CDH13: variants seen among roughly 807,000 people sequenced by gnomAD.
CDH13 encodes the protein cadherin 13, also known as cadherin-13.
CDH13 carries 24 observed loss-of-function variants against 63.8 expected under a neutral mutation model. The observed-to-expected ratio is 0.38, with a 90% CI of 0.27 to 0.53. The LOEUF (loss-of-function observed/expected upper bound fraction) is 0.53, where lower values mean the gene tolerates loss of function less well. CDH13 is among the 20% of genes least tolerant of loss of function. The pLI is 0.85. For synonymous variants in CDH13, 503 were observed against 355.3 expected (o/e 1.42, Z -4.67); for missense variants, 1,049 against 903.1 (o/e 1.16, Z -2.07).
chr16:83,222,004 G>A (rs72802231), intron 5 of CDH13, among the ~76,000 whole-genome samples: 7,498 of 152,210 alleles, frequency 0.049, 267 homozygotes, highest in Non-Finnish European at 0.078. Flanking sequence ...TAATGTTGGG[G>A]TGAACATGTC....
intron 5 of CDH13, among the ~76,000 whole-genome samples, chr16:83,223,861 T>G (rs558672758): frequency 5.9e-5 from 9 of 152,332 alleles, no homozygotes; most frequent in African/African-American, 1.7e-4. Context: ...CATGGGTTTT[T>G]GGGGAACAGG....
chr16:82,955,511 G>C (rs28579904), intron 2 of CDH13, among the ~76,000 whole-genome samples: 3 of 152,210 alleles, frequency 2.0e-5, no homozygotes, highest in Non-Finnish European at 4.4e-5. Flanking sequence ...GCTTTCATCA[G>C]AAACATTTTT....
At chr16:83,664,924 T>C (rs981402406) in intron 8 of CDH13, among the ~76,000 whole-genome samples, 1 of 152,228 alleles carries the variant, frequency 6.6e-6, no homozygotes, top group Non-Finnish European at 1.5e-5. Context: ...ACTAGCCCTC[T>C]CACTTACTGA....
intron 2 of CDH13, among the ~76,000 whole-genome samples, chr16:82,995,375 T>C (rs903758030): frequency 6.6e-6 from 1 of 152,232 alleles, no homozygotes; most frequent in African/African-American, 2.4e-5. Context: ...GTGAGCGTGA[T>C]GTTAGCACAT....
At chr16:83,533,675 C>T (rs946855359) in intron 7 of CDH13, among the ~76,000 whole-genome samples, 3 of 139,828 alleles carry the variant, frequency 2.1e-5, no homozygotes, top group African/African-American at 2.7e-5. Flanking sequence ...GGCTGGAGTG[C>T]AGTGGCACGA....
intron 2 of CDH13, among the ~76,000 whole-genome samples, chr16:83,024,777 C>T (rs569621018): frequency 1.1e-4 from 17 of 152,188 alleles, no homozygotes; most frequent in Admixed American, 4.6e-4. Flanking sequence ...TGGAGAATAT[C>T]GAACAAAACT....
intron 1 of CDH13, among the ~76,000 whole-genome samples, chr16:82,792,894 C>G (rs1054998882): frequency 7.3e-5 from 11 of 151,478 alleles, no homozygotes; most frequent in Non-Finnish European, 1.5e-4. Context: ...CATGAAATGC[C>G]TGGCACTCTC....
intron 6 of CDH13, among the ~76,000 whole-genome samples, chr16:83,480,639 C>T (rs1039386492): frequency 2.6e-5 from 4 of 152,264 alleles, no homozygotes; most frequent in African/African-American, 7.2e-5. Context: ...GACGAAGAGA[C>T]GTGTCTACAC....
At chr16:83,135,514 A>G (rs528295051) in intron 4 of CDH13, among the ~76,000 whole-genome samples, 1 of 152,222 alleles carries the variant, frequency 6.6e-6, no homozygotes, top group African/African-American at 2.4e-5. Flanking sequence ...TTGTGGTACA[A>G]ACTGAGTTGC....
Position 83,146,799 on chromosome 16 carries a change from G to A in CDH13, c.483+21298G>A, listed in dbSNP as rs2036769108. Reference sequence around the variant, plus strand: ...TCAAAGTATTATTTTAAAAAGGCCAGGGATGGGGCCAAGCATGGTGGCTCA... The same window carrying A: ...TCAAAGTATTATTTTAAAAAGGCCAAGGATGGGGCCAAGCATGGTGGCTCA... On this transcript the variant is annotated intron_variant, in intron 4 of 13. Coordinates refer to ENST00000567109, the MANE Select transcript of CDH13 (RefSeq NM_001257.5). Among the ~76,000 whole-genome samples the A allele has an allele frequency of 2.6e-5, 4 of 152,296 alleles. No homozygotes were observed. In the South Asian group the frequency reaches 8.3e-4, roughly 32 times the overall value.
intron 1 of CDH13, among the ~76,000 whole-genome samples, chr16:82,703,796 G>A (rs943036332): frequency 3.9e-5 from 6 of 152,052 alleles, no homozygotes; most frequent in Non-Finnish European, 8.8e-5. Flanking sequence ...CTGAACAAGG[G>A]CACCCATGTA....
intron 1 of CDH13, among the ~76,000 whole-genome samples, chr16:82,816,800 C>G (rs886316505): frequency 5.5e-5 from 7 of 126,850 alleles, no homozygotes; most frequent in Non-Finnish European, 1.1e-4. Context: ...CTGCTAGAAA[C>G]TTCGGGGGGC....
In CDH13 at chr16:83,442,117, A is replaced by G. The variant is rs1462141315; in HGVS notation, c.782-44360A>G. Among the ~76,000 whole-genome samples, 6 of 152,288 alleles carry G rather than the reference A, an allele frequency of 3.9e-5. No individual in the cohort carries two copies. The East Asian group carries it at 9.7e-4, about 25-fold the overall frequency. On this transcript the variant is annotated intron_variant, in intron 6 of 13. Coordinates refer to ENST00000567109, the MANE Select transcript of CDH13 (RefSeq NM_001257.5). ...ACACAGGCCAACTCTGACGCAAAGC[A>G]TGGTTATCACCATGCTCCTCCAATG...
intron 5 of CDH13, among the ~76,000 whole-genome samples, chr16:83,323,064 C>T (rs1360606878): frequency 6.6e-6 from 1 of 151,886 alleles, no homozygotes; most frequent in South Asian, 2.1e-4. Context: ...TGCAAATGAG[C>T]GAATGGAGGT....
intron 10 of CDH13, among the ~76,000 whole-genome samples, chr16:83,698,064 A>G (rs1187217540): frequency 2.0e-5 from 3 of 152,222 alleles, no homozygotes; most frequent in Admixed American, 6.5e-5. Context: ...GAGGGCACGG[A>G]CCATGTTGGT....
intron 1 of CDH13, among the ~76,000 whole-genome samples, chr16:82,757,957 T>C (rs1465836924): frequency 6.6e-6 from 1 of 152,154 alleles, no homozygotes; most frequent in South Asian, 2.1e-4. Context: ...CCGCCACAGC[T>C]TCTTAAAATG....
chr16:82,765,976 A>C (rs1325746249), intron 1 of CDH13, among the ~76,000 whole-genome samples: 1 of 152,240 alleles, frequency 6.6e-6, no homozygotes, highest in Non-Finnish European at 1.5e-5. Context: ...ATGCACGTCT[A>C]TGCTACCCCA....
intron 8 of CDH13, among the ~76,000 whole-genome samples, chr16:83,659,322 TCATGTCCTCACCACCAGGTCC>T (rs1387636438): frequency 1.4e-5 from 1 of 73,072 alleles, no homozygotes; most frequent in Non-Finnish European, 2.7e-5. Context: ...CAGCAAGGTC[TCATGTCCTCACCACCAGGTCC>T]CATGTCCTCA....
intron 3 of CDH13, among the ~76,000 whole-genome samples, chr16:83,107,334 G>T (rs1419239274): frequency 1.3e-5 from 2 of 152,078 alleles, no homozygotes; most frequent in East Asian, 3.9e-4. Flanking sequence ...TTGTGGTGGT[G>T]GTGGTGGTGG....
Sources: gnomAD v4.1 joint callset for allele counts (sites outside exome capture counted in the v4.1 genomes callset) on GRCh38, gnomAD v4.1.1 for gene constraint, MANE v1.5 for transcripts, NCBI Gene and HGNC (gene_info 2026-07-23, HGNC 2026-07-21) for gene names.